ESRRB: variants seen among roughly 807,000 people sequenced by gnomAD.
ESRRB encodes steroid hormone receptor ERR2.
In ESRRB, 16 loss-of-function variants were observed where a neutral mutation model predicts 46.0. That is an observed-to-expected ratio of 0.35 (90% CI 0.24 to 0.53). The LOEUF (loss-of-function observed/expected upper bound fraction) is 0.53. Ranked by LOEUF, ESRRB falls within the 20% of genes least tolerant of loss-of-function variation. ESRRB has a pLI of 0.93. For synonymous variants in ESRRB, 246 were observed against 259.6 expected (o/e 0.95, Z 0.50); for missense variants, 488 against 607.4 (o/e 0.80, Z 2.07).
upstream of ESRRB, among the ~76,000 whole-genome samples, chr14:76,375,059 T>TC (rs142358793): frequency 1.3e-3 from 197 of 151,988 alleles, 2 homozygotes; most frequent in Non-Finnish European, 3.2e-4. Context: ...AATTATGTCT[T>TC]CCCCCCTACT....
intron 1 of ESRRB, among the ~76,000 whole-genome samples, chr14:76,438,008 G>A (rs1259105073): frequency 6.6e-6 from 1 of 152,146 alleles, no homozygotes; most frequent in Non-Finnish European, 1.5e-5. Context: ...GAAATAGCTG[G>A]GGGATGCTCA....
At chr14:76,496,185 G>A (rs964667367) in intron 6 of ESRRB, among the ~76,000 whole-genome samples, 1 of 152,224 alleles carries the variant, frequency 6.6e-6, no homozygotes, top group Non-Finnish European at 1.5e-5. Flanking sequence ...TGGGCTCTGT[G>A]GGGTATAGTG....
At chr14:76,438,753 T>C (rs2139931216) in intron 1 of ESRRB, among the ~76,000 whole-genome samples, 1 of 152,270 alleles carries the variant, frequency 6.6e-6, no homozygotes, top group East Asian at 1.9e-4. Context: ...CCATCTTGTG[T>C]CACCCTCAAA....
intron 3 of ESRRB, among the ~76,000 whole-genome samples, chr14:76,470,623 T>G (rs563129034): frequency 6.6e-6 from 1 of 152,362 alleles, no homozygotes; most frequent in Non-Finnish European, 1.5e-5. Flanking sequence ...AAAACGTTGT[T>G]GGTATGGAAA....
At chr14:76,393,497 A>T (rs1351175265) in intron 1 of ESRRB, among the ~76,000 whole-genome samples, 1 of 152,224 alleles carries the variant, frequency 6.6e-6, no homozygotes, top group Non-Finnish European at 1.5e-5. Context: ...AAAATTTTAC[A>T]TTTTATGACT....
At chr14:76,394,972 G>T (rs540777929) in intron 1 of ESRRB, among the ~76,000 whole-genome samples, 3 of 152,200 alleles carry the variant, frequency 2.0e-5, no homozygotes, top group Non-Finnish European at 2.9e-5. Flanking sequence ...TGAGCTGGCC[G>T]TCTGGGCGAG....
intron 5 of ESRRB, among the ~76,000 whole-genome samples, chr14:76,490,723 A>AG (rs1890189037): frequency 1.3e-5 from 2 of 152,028 alleles, no homozygotes; most frequent in Non-Finnish European, 2.9e-5. Context: ...AATAGCAGGG[A>AG]GGGGGGAACT....
At chr14:76,433,535 T>C (rs1887543272) in intron 1 of ESRRB, among the ~76,000 whole-genome samples, 1 of 152,126 alleles carries the variant, frequency 6.6e-6, no homozygotes. Context: ...AAACATTCCT[T>C]CCCCACGTCA....
chr14:76,339,813 G>A lies in ESRRB; in HGVS notation c.2+28897G>A, dbSNP rs1020839138. On this transcript the variant is annotated intron_variant, in intron 1 of 6. Transcript: ENST00000512784. Reference sequence around the variant, plus strand: ...CAGGAATGGTTCAAAAGGCTATGCCGCGTGCCCCGTCACATCGCACAAAAG... The same window carrying A: ...CAGGAATGGTTCAAAAGGCTATGCCACGTGCCCCGTCACATCGCACAAAAG... Among the ~76,000 whole-genome samples, 12 of 152,274 alleles carry A rather than the reference G, an allele frequency of 7.9e-5. No individual in the cohort carries two copies. The South Asian group carries it at 8.3e-4, about 11-fold the overall frequency.
chr14:76,499,695 G>T lies in ESRRB; in HGVS notation c.*1237G>T. On this transcript the variant is annotated 3_prime_UTR_variant, in exon 7 of 7. Transcript: ENST00000644823. ...TGGCAGGACCCCTGCAGTCCCCCTGGCTGTGCCAGGTAACCAACCGTCTTG... is the reference window on the plus strand; with the variant it reads ...TGGCAGGACCCCTGCAGTCCCCCTGTCTGTGCCAGGTAACCAACCGTCTTG... The T allele has an allele frequency of 5.7e-6, 4 of 699,590 alleles. No homozygotes were observed. The highest frequency in any genetic ancestry group is 4.6e-5 in the South Asian group (3 of 64,518). The allele number at this position is 699,590 out of a possible 1,614,324, so 43.3% of individuals were successfully genotyped here.
At chr14:76,380,973 G>GT (rs1471439588) in intron 1 of ESRRB, among the ~76,000 whole-genome samples, 1 of 152,188 alleles carries the variant, frequency 6.6e-6, no homozygotes, top group Non-Finnish European at 1.5e-5. Flanking sequence ...AATCAAAGAC[G>GT]TTTTTAGCAT....
At chr14:76,377,863 T>A (rs1175518824) in intron 1 of ESRRB, among the ~76,000 whole-genome samples, 1 of 152,144 alleles carries the variant, frequency 6.6e-6, no homozygotes, top group Non-Finnish European at 1.5e-5. Flanking sequence ...GTTTGGGGAT[T>A]TTCCCCACTC....
At chr14:76,358,383 GAA>G (rs1566859672) in intron 1 of ESRRB, among the ~76,000 whole-genome samples, 9 of 60,814 alleles carry the variant, frequency 1.5e-4, no homozygotes, top group African/African-American at 1.9e-4. Context: ...AAGAAAGAAA[GAA>G]AGAAAGAAAG....
chr14:76,327,328 A>T (rs1209905558), intron 1 of ESRRB, among the ~76,000 whole-genome samples: 1 of 152,182 alleles, frequency 6.6e-6, no homozygotes, highest in African/African-American at 2.4e-5. Context: ...AACTCCTGAA[A>T]AGTGTCTATG....
intron 3 of ESRRB, among the ~76,000 whole-genome samples, chr14:76,465,931 C>T (rs566944207): frequency 7.2e-5 from 11 of 152,324 alleles, no homozygotes; most frequent in African/African-American, 2.4e-4. Context: ...CCGTGGGGAC[C>T]GACCCCCTTG....
At chr14:76,410,041 T>C (rs1401976681) in intron 1 of ESRRB, among the ~76,000 whole-genome samples, 3 of 151,984 alleles carry the variant, frequency 2.0e-5, no homozygotes, top group Non-Finnish European at 2.9e-5. Context: ...CTGGCCAACA[T>C]GGTGAAACTC....
intron 5 of ESRRB, among the ~76,000 whole-genome samples, chr14:76,487,295 A>G (rs1890056708): frequency 6.6e-6 from 1 of 152,214 alleles, no homozygotes; most frequent in Non-Finnish European, 1.5e-5. Context: ...ATTTTACAGA[A>G]GAGGAAACCG....
rs1013172649 is a variant in ESRRB, at chr14:76,339,719, G to A, written c.2+28803G>A. On this transcript the variant is annotated intron_variant, in intron 1 of 6. Transcript: ENST00000512784. ...GGAGCCGACCCAGGCTGGGGTAGAA[G>A]AGCAGCCCCCCACACTCACAAGCCC... Among the ~76,000 whole-genome samples, 5 of 152,334 alleles carry A rather than the reference G, an allele frequency of 3.3e-5. No homozygotes were observed. In the East Asian group the frequency reaches 9.7e-4, roughly 29 times the overall value.
At chr14:76,394,095 C>T (rs1885578797) in intron 1 of ESRRB, among the ~76,000 whole-genome samples, 1 of 151,868 alleles carries the variant, frequency 6.6e-6, no homozygotes, top group South Asian at 2.1e-4. Context: ...GCCACCGTGC[C>T]CAGCCTAGAA....
Sources: gnomAD v4.1 joint callset for allele counts (sites outside exome capture counted in the v4.1 genomes callset) on GRCh38, gnomAD v4.1.1 for gene constraint, MANE v1.5 for transcripts, NCBI Gene and HGNC (gene_info 2026-07-23, HGNC 2026-07-21) for gene names.